KCTD5: variants seen among roughly 807,000 people sequenced by gnomAD.
KCTD5 encodes potassium channel tetramerization domain containing 5, also known as BTB/POZ domain-containing protein KCTD5.
In KCTD5, 12 loss-of-function variants were observed where a neutral mutation model predicts 27.9. The observed-to-expected ratio is 0.43, with a 90% CI of 0.28 to 0.70. The LOEUF is 0.70. Ranked by LOEUF, KCTD5 falls within the 30% of genes least tolerant of loss-of-function variation. The pLI is 0.19. For missense variants in KCTD5, 226 were observed against 274.8 expected (o/e 0.82, Z 1.26); for synonymous variants, 147 against 121.4 (o/e 1.21, Z -1.39).
chr16:2,704,316 G>T (rs113810303), intron 5 of KCTD5, among the ~76,000 whole-genome samples: 2 of 152,234 alleles, frequency 1.3e-5, no homozygotes, highest in African/African-American at 2.4e-5. Context: ...GCGCAGGGCC[G>T]CATGGGCTGT....
intron 4 of KCTD5, among the ~76,000 whole-genome samples, chr16:2,701,530 G>A (rs1013979939): frequency 2.0e-5 from 3 of 152,232 alleles, no homozygotes. Context: ...GCACCCCTGT[G>A]GCCGCCTCAC....
chr16:2,701,555 T>C (rs1326668437), intron 4 of KCTD5, among the ~76,000 whole-genome samples: 1 of 152,210 alleles, frequency 6.6e-6, no homozygotes, highest in Admixed American at 6.5e-5. Context: ...CTGGGTCCAC[T>C]GCTGCCCACT....
chr16:2,690,731 G>T (rs920721410), intron 1 of KCTD5, among the ~76,000 whole-genome samples: 1 of 152,246 alleles, frequency 6.6e-6, no homozygotes, highest in Non-Finnish European at 1.5e-5. Flanking sequence ...TGTCATGGGG[G>T]CTTGGGCAGG....
chr16:2,687,337 CG>C (rs1300260788), intron 1 of KCTD5, among the ~76,000 whole-genome samples: 4 of 152,220 alleles, frequency 2.6e-5, no homozygotes, highest in Non-Finnish European at 4.4e-5. Flanking sequence ...GACATGGGCC[CG>C]CGGTCTTCGG....
intron 1 of KCTD5, among the ~76,000 whole-genome samples, chr16:2,688,051 G>A (rs1236235725): frequency 6.6e-6 from 1 of 151,822 alleles, no homozygotes; most frequent in African/African-American, 2.4e-5. Context: ...CCTGTGAGCT[G>A]TGCTTTCTTC....
Position 2,700,273 on chromosome 16 carries a change from C to G in KCTD5, c.549+357C>G, listed in dbSNP as rs191184260. On this transcript the variant is annotated intron_variant, in intron 4 of 5. Transcript: ENST00000301738. ...ACTATCCAGCGCAATCCCCGTCCCCCACAGCTCACTCCATCGGAGCATATG... is the reference window on the plus strand; with the variant it reads ...ACTATCCAGCGCAATCCCCGTCCCCGACAGCTCACTCCATCGGAGCATATG... Among the ~76,000 whole-genome samples, 52 of 152,380 alleles carry G rather than the reference C, an allele frequency of 3.4e-4. 1 individual carries two copies. The highest frequency in any genetic ancestry group is 1.4e-3 in the South Asian group (7 of 4,832).
Position 2,698,166 on chromosome 16 carries a change from C to A in KCTD5, c.453+169C>A, listed in dbSNP as rs141137037. Among the ~76,000 whole-genome samples, 283 of 152,352 alleles carry A rather than the reference C, an allele frequency of 1.9e-3. 1 individual carries two copies. Among genetic ancestry groups the A allele is most frequent in the Middle Eastern group, 3.4e-3 (1 of 294 alleles). The stretch of plus-strand genomic sequence containing the variant: ...CCAGTGCCTGCCAGCTCCGTCTACC[C>A]GGCTCTCCCCAGGGTCCCTTGAAGG... On this transcript the variant is annotated intron_variant, in intron 3 of 5. Transcript: ENST00000301738.
At chr16:2,691,670 G>A (rs1284555946) in intron 1 of KCTD5, among the ~76,000 whole-genome samples, 3 of 152,170 alleles carry the variant, frequency 2.0e-5, no homozygotes, top group Non-Finnish European at 4.4e-5. Flanking sequence ...CACTGGGGCG[G>A]CGGGGGTGTG....
Position 2,682,531 on chromosome 16 carries a change from G to T in KCTD5, c.-18G>T, listed in dbSNP as rs2067521905. On this transcript the variant is annotated 5_prime_UTR_variant, in exon 1 of 6. Transcript: ENST00000301738. ...ACGCTTCCGGTGGAAGGGAGCTGTTGCGGGGCTTGCTGGGATCATGGCGGA... is the reference window on the plus strand; with the variant it reads ...ACGCTTCCGGTGGAAGGGAGCTGTTTCGGGGCTTGCTGGGATCATGGCGGA... The T allele has an allele frequency of 1.4e-6, 2 of 1,390,802 alleles. No individual in the cohort carries two copies. The highest frequency in any genetic ancestry group is 4.1e-5 in the South Asian group (2 of 49,068). The allele number at this position is 1,390,802 out of a possible 1,614,324, so 86.2% of individuals were successfully genotyped here. A position where few individuals can be genotyped will look rare whatever the true frequency, so the allele number is the denominator to read the frequency against.
At chr16:2,687,607 G>A (rs1335543086) in intron 1 of KCTD5, among the ~76,000 whole-genome samples, 1 of 152,252 alleles carries the variant, frequency 6.6e-6, no homozygotes, top group African/African-American at 2.4e-5. Context: ...ACGGAGTGAG[G>A]TCTAAAGCCT....
At chr16:2,706,232 G>A (rs1401271026) in intron 5 of KCTD5, among the ~76,000 whole-genome samples, 1 of 152,182 alleles carries the variant, frequency 6.6e-6, no homozygotes, top group Non-Finnish European at 1.5e-5. Flanking sequence ...GCAGCTCAGG[G>A]GACGTGGCCT....
intron 5 of KCTD5, among the ~76,000 whole-genome samples, chr16:2,702,758 G>A (rs2067618177): frequency 6.6e-6 from 1 of 152,202 alleles, no homozygotes; most frequent in African/African-American, 2.4e-5. Context: ...ACTGAGGGCT[G>A]TGTCTCAGGG....
In KCTD5 at chr16:2,682,586, G is replaced by T. The variant is rs758047911; in HGVS notation, c.38G>T (p.Arg13Leu). 1.3e-5 allele frequency: 18 copies of T among 1,420,006 alleles called. No individual in the cohort carries two copies. The highest frequency in any genetic ancestry group is 1.6e-5 in the Non-Finnish European group (17 of 1,091,520). 88.0% of individuals were successfully genotyped at this position (1,420,006 alleles called of 1,614,324 possible). Reference protein sequence around the residue: ...ENHCELLSPARGGIGAGLGGG... With the variant: ...ENHCELLSPALGGIGAGLGGG... ...CACTGCGAGCTCCTGTCGCCGGCCC[G>T]GGGCGGCATCGGGGCGGGGCTGGGG... is the stretch of plus-strand genomic sequence containing the variant. The change falls in exon 1 of 6, where the codon CGG (arginine) becomes CTG (leucine). Residue 13 changes from arginine to leucine, a missense_variant. This residue lies in a region of KCTD5 where 91 missense variants were observed against 67.8 expected (regional missense o/e 1.34). Coordinates refer to ENST00000301738, the MANE Select transcript of KCTD5 (RefSeq NM_018992.4).
Position 2,704,491 on chromosome 16 carries a change from G to A in KCTD5, c.675+2013G>A, listed in dbSNP as rs775660934. Among the ~76,000 whole-genome samples the A allele has an allele frequency of 3.3e-5, 5 of 152,360 alleles. No homozygotes were observed. The South Asian group carries it at 8.3e-4, about 25-fold the overall frequency. On this transcript the variant is annotated intron_variant, in intron 5 of 5. Coordinates refer to ENST00000301738, the MANE Select transcript of KCTD5 (RefSeq NM_018992.4). ...ACACATGAGCACACCTGCTTCCCAC[G>A]CCAGTCCCTCAAGAACTTGCTAGAA...
intron 5 of KCTD5, among the ~76,000 whole-genome samples, chr16:2,705,096 A>C (rs2067629595): frequency 6.6e-6 from 1 of 152,186 alleles, no homozygotes; most frequent in South Asian, 2.1e-4. Context: ...CTGTCCTGAC[A>C]GCCTGTCTTC....
intron 3 of KCTD5, among the ~76,000 whole-genome samples, chr16:2,698,734 G>C (rs1349887931): frequency 6.6e-6 from 1 of 152,236 alleles, no homozygotes; most frequent in Non-Finnish European, 1.5e-5. Context: ...TGGCCGCTCA[G>C]GGCCGCTGGC....
chr16:2,708,826 C>T lies in KCTD5; in HGVS notation c.*1499C>T, dbSNP rs1445844891. On this transcript the variant is annotated 3_prime_UTR_variant, in exon 6 of 6. Coordinates refer to ENST00000301738, the MANE Select transcript of KCTD5 (RefSeq NM_018992.4). ...ATCCTCTCTGGGGAGCTGCTGGCCG[C>T]TTAGCGTTGTTTGATTTTTGACCTT... is the stretch of plus-strand genomic sequence containing the variant. The T allele has an allele frequency of 6.6e-6, 1 of 152,178 alleles. No individual in the cohort carries two copies. Among genetic ancestry groups the T allele is most frequent in the Non-Finnish European group, 1.5e-5 (1 of 68,020 alleles). 9.4% of individuals were successfully genotyped at this position (152,178 alleles called of 1,614,324 possible). A position where few individuals can be genotyped will look rare whatever the true frequency, so the allele number is the denominator to read the frequency against.
intron 1 of KCTD5, chr16:2,683,065 C>T (rs941333509): frequency 9.4e-6 from 4 of 427,184 alleles, no homozygotes; most frequent in Non-Finnish European, 1.7e-5. Flanking sequence ...TCCTCGCCCT[C>T]TTTGCTCTTT....
Position 2,707,338 on chromosome 16 carries a change from A to AT in KCTD5, c.*13dup. 1 of 1,613,434 alleles carries AT rather than the reference A, an allele frequency of 6.2e-7. No individual in the cohort carries two copies. Among genetic ancestry groups the AT allele is most frequent in the East Asian group, 2.2e-5 (1 of 44,880 alleles). On this transcript the variant is annotated 3_prime_UTR_variant, in exon 6 of 6. Coordinates refer to ENST00000301738, the MANE Select transcript of KCTD5 (RefSeq NM_018992.4). ...GGCTCAAGGATGTGAGGGACACAGT[A>AT]TTGACAGCTGAAGAAATGATTTACG... is the stretch of plus-strand genomic sequence containing the variant.
Sources: gnomAD v4.1 joint callset for allele counts (sites outside exome capture counted in the v4.1 genomes callset) on GRCh38, gnomAD v4.1.1 for gene constraint, gnomAD v4.1.1 regional missense constraint, MANE v1.5 for transcripts, NCBI Gene and HGNC (gene_info 2026-07-23, HGNC 2026-07-21) for gene names.